The following SLC8A1 variants were observed in gnomAD, a reference collection of about 807,000 sequenced individuals.
The protein encoded by SLC8A1 is sodium/calcium exchanger 1.
Under a neutral mutation model 68.3 loss-of-function variants are expected in SLC8A1, and 18 were observed. The observed-to-expected ratio is 0.26, with a 90% CI of 0.18 to 0.39. The LOEUF (loss-of-function observed/expected upper bound fraction) is 0.39, where lower values mean the gene tolerates loss of function less well. SLC8A1 is among the 10% of genes least tolerant of loss of function. SLC8A1 has a pLI of 1.00. For synonymous variants in SLC8A1, 475 were observed against 415.5 expected (o/e 1.14, Z -1.74); for missense variants, 985 against 1,156.7 (o/e 0.85, Z 2.15).
chr2:40,150,097 T>A (rs1022588599), intron 6 of SLC8A1, among the ~76,000 whole-genome samples: 98 of 147,176 alleles, frequency 6.7e-4, no homozygotes, highest in African/African-American at 2.3e-3. Context: ...GAATCACTGC[T>A]CCTTTCCAGC....
intron 2 of SLC8A1, among the ~76,000 whole-genome samples, chr2:40,277,713 G>T (rs553622330): frequency 6.7e-6 from 1 of 148,502 alleles, no homozygotes; most frequent in Non-Finnish European, 1.5e-5. Flanking sequence ...CTTATCATTT[G>T]ACTACATAAA....
At position 40,144,389 on chromosome 2, in the gene SLC8A1, C is replaced by G. The variant is rs1048639198; in HGVS notation, c.2162-4713G>C. Among the ~76,000 whole-genome samples the G allele has an allele frequency of 2.6e-5, 4 of 152,262 alleles. No homozygotes were observed. The East Asian group carries it at 7.7e-4, about 29-fold the overall frequency. On this transcript the variant is annotated intron_variant, in intron 6 of 7. Coordinates refer to ENST00000406785, the Ensembl canonical transcript of SLC8A1. ...AAGTTCAGAGAATTTAAGTGACTTG[C>G]TAAAATAATCTCACACAGAATTTAA... is the stretch of plus-strand genomic sequence containing the variant.
At chr2:40,260,070 T>C (rs1345159129) in intron 2 of SLC8A1, among the ~76,000 whole-genome samples, 1 of 152,236 alleles carries the variant, frequency 6.6e-6, no homozygotes, top group African/African-American at 2.4e-5. Flanking sequence ...TTAAATATAT[T>C]GCAACCTAAC....
chr2:40,373,976 G>C (rs1371335564), intron 2 of SLC8A1, among the ~76,000 whole-genome samples: 1 of 152,092 alleles, frequency 6.6e-6, no homozygotes, highest in African/African-American at 2.4e-5. Context: ...CTCTTCTCAA[G>C]AAATCTGAGA....
intron 1 of SLC8A1, among the ~76,000 whole-genome samples, chr2:40,467,207 T>C (rs1166743357): frequency 6.6e-5 from 10 of 152,160 alleles, no homozygotes; most frequent in African/African-American, 2.4e-4. Context: ...GTTGCTCAGC[T>C]TCAATTTTTA....
intron 2 of SLC8A1, among the ~76,000 whole-genome samples, chr2:40,289,563 G>A (rs1452231339): frequency 1.3e-5 from 2 of 151,964 alleles, no homozygotes; most frequent in Non-Finnish European, 2.9e-5. Flanking sequence ...TAAAAAAAGA[G>A]GAAACAGCCC....
intron 2 of SLC8A1, among the ~76,000 whole-genome samples, chr2:40,280,938 G>A (rs576124517): frequency 3.3e-5 from 5 of 152,204 alleles, no homozygotes; most frequent in Admixed American, 2.0e-4. Flanking sequence ...CACGTTGTCT[G>A]TACTTCTGTT....
At chr2:40,411,728 C>T (rs984432580) in intron 2 of SLC8A1, among the ~76,000 whole-genome samples, 10 of 151,926 alleles carry the variant, frequency 6.6e-5, no homozygotes, top group Admixed American at 1.3e-4. Flanking sequence ...AAACTTCTAA[C>T]GCAAACCTTC....
chr2:40,302,832 G>C (rs778352018), intron 2 of SLC8A1, among the ~76,000 whole-genome samples: 2 of 152,044 alleles, frequency 1.3e-5, no homozygotes, highest in African/African-American at 2.4e-5. Context: ...TTCCACAGTG[G>C]TTGTACTCAT....
chr2:40,287,082 A>G (rs754974499), intron 2 of SLC8A1, among the ~76,000 whole-genome samples: 1 of 152,204 alleles, frequency 6.6e-6, no homozygotes, highest in Non-Finnish European at 1.5e-5. Context: ...ACAATTTGGA[A>G]CTCAGTAAGC....
At chr2:40,368,345 T>C (rs1318009029) in intron 2 of SLC8A1, among the ~76,000 whole-genome samples, 1 of 152,074 alleles carries the variant, frequency 6.6e-6, no homozygotes, top group Non-Finnish European at 1.5e-5. Flanking sequence ...ACAAAGTTAT[T>C]TCTTTAGTAA....
intron 2 of SLC8A1, chr2:40,177,915 G>A: frequency 9.1e-7 from 1 of 1,093,326 alleles, no homozygotes; most frequent in Admixed American, 2.0e-5. Flanking sequence ...CATGCTCTTG[G>A]TGTCCACCAA....
At chr2:40,116,243 T>C (rs1036625360) in intron 7 of SLC8A1, among the ~76,000 whole-genome samples, 1 of 152,216 alleles carries the variant, frequency 6.6e-6, no homozygotes, top group Non-Finnish European at 1.5e-5. Context: ...TGACATTTGC[T>C]TAGAGCCTTA....
chr2:40,501,024 G>C (rs891254955), intron 1 of SLC8A1, among the ~76,000 whole-genome samples: 2 of 151,682 alleles, frequency 1.3e-5, no homozygotes, highest in Non-Finnish European at 2.9e-5. Flanking sequence ...TCTCCTACCT[G>C]TTCTCACGGG....
intron 1 of SLC8A1, among the ~76,000 whole-genome samples, chr2:40,481,139 A>T (rs2149912531): frequency 6.6e-6 from 1 of 152,222 alleles, no homozygotes; most frequent in East Asian, 1.9e-4. Flanking sequence ...GTGTGTGTGT[A>T]TGTTTGTGCA....
At chr2:40,416,115 G>A (rs933882241) in intron 2 of SLC8A1, among the ~76,000 whole-genome samples, 6 of 148,244 alleles carry the variant, frequency 4.0e-5, no homozygotes, top group Non-Finnish European at 8.9e-5. Context: ...GCACAGAGAT[G>A]TTCAAATTAG....
intron 2 of SLC8A1, among the ~76,000 whole-genome samples, chr2:40,377,688 C>T (rs1186361428): frequency 1.3e-5 from 2 of 152,022 alleles, no homozygotes; most frequent in South Asian, 4.1e-4. Flanking sequence ...GTCTTAGTCT[C>T]TAGATACGAC....
chr2:40,166,638 A>G (rs577924572), intron 4 of SLC8A1, among the ~76,000 whole-genome samples: 1 of 152,324 alleles, frequency 6.6e-6, no homozygotes, highest in African/African-American at 2.4e-5. Context: ...TGGTTCTCCA[A>G]GATTTGTCCT....
intron 2 of SLC8A1, among the ~76,000 whole-genome samples, chr2:40,330,688 G>A (rs1317305682): frequency 6.6e-6 from 1 of 152,098 alleles, no homozygotes; most frequent in Non-Finnish European, 1.5e-5. Flanking sequence ...GGTAAATGTG[G>A]AAATTCTCTT....
Sources: allele counts gnomAD v4.1 joint callset (sites outside exome capture counted in the v4.1 genomes callset), GRCh38; gene constraint gnomAD v4.1.1; transcripts MANE v1.5; gene names NCBI Gene and HGNC (gene_info 2026-07-23, HGNC 2026-07-21).